Variants in SGCZ observed in about 807,000 individuals in gnomAD.
SGCZ encodes the protein sarcoglycan zeta.
A neutral mutation model predicts 41.3 loss-of-function variants in SGCZ; 40 were observed. The observed-to-expected ratio is 0.97, with a 90% CI of 0.75 to 1.26. The LOEUF is 1.26. Among genes scored for constraint, SGCZ ranks in the 50% most tolerant of loss-of-function variants. The pLI is 0.00. For missense variants in SGCZ, 552 were observed against 369.8 expected, an observed-to-expected ratio of 1.49 and a Z score of -4.04; for synonymous variants, 206 against 137.5, an observed-to-expected ratio of 1.50 and a Z score of -3.49.
intron 1 of SGCZ, among the ~76,000 whole-genome samples, chr8:14,587,037 AC>A (rs1374481788): frequency 4.0e-5 from 6 of 151,804 alleles, no homozygotes; most frequent in African/African-American, 7.3e-5. Context: ...TAAAAAAAAA[AC>A]AAAATAAACT....
intron 4 of SGCZ, among the ~76,000 whole-genome samples, chr8:14,183,147 G>A (rs1219518181): frequency 6.6e-6 from 1 of 152,016 alleles, no homozygotes; most frequent in Non-Finnish European, 1.5e-5. Flanking sequence ...AATATTTCAT[G>A]GCAACATTAT....
intron 2 of SGCZ, among the ~76,000 whole-genome samples, chr8:14,554,506 G>A (rs825909): frequency 0.24 from 36,207 of 151,850 alleles, 4,547 homozygotes; most frequent in South Asian, 0.38. Flanking sequence ...GTACTGTCTC[G>A]TGATCTAAAT....
chr8:15,141,978 A>G (rs905540324), intron 1 of SGCZ, among the ~76,000 whole-genome samples: 2 of 152,162 alleles, frequency 1.3e-5, no homozygotes, highest in African/African-American at 4.8e-5. Flanking sequence ...TAGCAGTGGA[A>G]GACCCTGGGA....
intron 4 of SGCZ, among the ~76,000 whole-genome samples, chr8:14,189,962 G>C (rs1465535804): frequency 1.3e-5 from 2 of 150,626 alleles, no homozygotes; most frequent in East Asian, 1.9e-4. Flanking sequence ...ATGTCCTTTA[G>C]GTTCATCCAT....
intron 5 of SGCZ, among the ~76,000 whole-genome samples, chr8:14,156,235 C>T (rs1803871950): frequency 6.6e-6 from 1 of 151,970 alleles, no homozygotes; most frequent in African/African-American, 2.4e-5. Context: ...TTTGGGAGGC[C>T]GATCACTAGG....
intron 1 of SGCZ, among the ~76,000 whole-genome samples, chr8:15,154,205 A>G (rs1799260985): frequency 6.6e-6 from 1 of 152,294 alleles, no homozygotes; most frequent in Non-Finnish European, 1.5e-5. Flanking sequence ...GGCAAAGACA[A>G]CCTAACACAG....
In SGCZ at chr8:14,820,726, G is replaced by T. The variant is rs183989330; in HGVS notation, c.40-265800C>A. Among the ~76,000 whole-genome samples, 643 of 151,992 alleles carry T rather than the reference G, an allele frequency of 4.2e-3. 6 individuals carry two copies. The highest frequency in any genetic ancestry group is 0.015 in the African/African-American group (605 of 41,526). On this transcript the variant is annotated intron_variant, in intron 1 of 7. Coordinates refer to ENST00000382080, the MANE Select transcript of SGCZ (RefSeq NM_139167.4). ...CAATAACATGGAAATTAAACAACTT[G>T]TTCCTTTGAAACCAATGGGTTAATG...
chr8:14,420,588 G>T (rs900192407), intron 2 of SGCZ, among the ~76,000 whole-genome samples: 11 of 151,914 alleles, frequency 7.2e-5, no homozygotes, highest in Middle Eastern at 3.2e-3. Context: ...ATACCAAAAT[G>T]ATCCCGAGCT....
intron 2 of SGCZ, among the ~76,000 whole-genome samples, chr8:14,416,969 A>T (rs78356216): frequency 0.018 from 2,692 of 151,964 alleles, 79 homozygotes; most frequent in African/African-American, 0.061. Flanking sequence ...AACATAAGGC[A>T]GGGTTATGTG....
chr8:14,590,808 T>C (rs969067481), intron 1 of SGCZ, among the ~76,000 whole-genome samples: 1 of 148,080 alleles, frequency 6.8e-6, no homozygotes, highest in Non-Finnish European at 1.5e-5. Flanking sequence ...TATATGAATA[T>C]ATGATATATA....
At chr8:14,304,176 C>T (rs1801279787) in intron 3 of SGCZ, among the ~76,000 whole-genome samples, 1 of 152,092 alleles carries the variant, frequency 6.6e-6, no homozygotes, top group Non-Finnish European at 1.5e-5. Flanking sequence ...GATGTTGTAG[C>T]TCCCACTTGT....
chr8:15,054,725 CG>C (rs1804641848), intron 1 of SGCZ, among the ~76,000 whole-genome samples: 1 of 151,750 alleles, frequency 6.6e-6, no homozygotes, highest in Non-Finnish European at 1.5e-5. Flanking sequence ...GAGGCTGAGG[CG>C]GGCAGACCAC....
intron 2 of SGCZ, among the ~76,000 whole-genome samples, chr8:14,469,371 T>C (rs1801144889): frequency 1.4e-5 from 2 of 141,852 alleles, no homozygotes; most frequent in South Asian, 4.1e-4. Context: ...TCTGGTCTAC[T>C]TGTTGTCTCA....
intron 1 of SGCZ, among the ~76,000 whole-genome samples, chr8:15,113,761 A>G (rs1334011291): frequency 2.6e-5 from 4 of 152,142 alleles, no homozygotes; most frequent in Admixed American, 2.0e-4. Context: ...TTGACCCTCT[A>G]CAATCCTCCT....
intron 4 of SGCZ, among the ~76,000 whole-genome samples, chr8:14,220,955 C>T (rs1277105815): frequency 6.6e-6 from 1 of 151,876 alleles, no homozygotes; most frequent in Non-Finnish European, 1.5e-5. Context: ...TAACACAATC[C>T]TGAGTCTTTG....
At position 14,962,809 on chromosome 8, in the gene SGCZ, T is replaced by C. The variant is rs148936565; in HGVS notation, c.39+274776A>G. Among the ~76,000 whole-genome samples the C allele has an allele frequency of 4.6e-3, 700 of 152,300 alleles. 4 individuals are homozygous for C. The highest frequency in any genetic ancestry group is 0.019 in the South Asian group (91 of 4,828). ...GTGTCCCGCATTAAGAAATTCGTCG[T>C]GATAAGATATGCAGAACAAGGGAGC... On this transcript the variant is annotated intron_variant, in intron 1 of 7. Coordinates refer to ENST00000382080, the MANE Select transcript of SGCZ (RefSeq NM_139167.4).
intron 4 of SGCZ, among the ~76,000 whole-genome samples, chr8:14,177,948 C>CTTTTTTTTTTTTTTT (rs1804599101): frequency 1.1e-5 from 1 of 88,004 alleles, no homozygotes. Context: ...TCCTTCTTTT[C>CTTTTTTTTTTTTTTT]TTTTTTTTTC....
intron 1 of SGCZ, among the ~76,000 whole-genome samples, chr8:14,978,081 T>C (rs1274060690): frequency 6.6e-6 from 1 of 152,142 alleles, no homozygotes; most frequent in Non-Finnish European, 1.5e-5. Context: ...AGGTGCGTAC[T>C]TTCATGTTCT....
rs570520020 is a variant in SGCZ, at chr8:14,663,532, T to C, written c.40-108606A>G. ...CTAACCTCTCTGTGCATGCCTCCTA[T>C]CTGTAAATGAAAATAATAAGGGTAA... On this transcript the variant is annotated intron_variant, in intron 1 of 7. Coordinates refer to ENST00000382080, the MANE Select transcript of SGCZ (RefSeq NM_139167.4). 5.9e-5 allele frequency among the ~76,000 whole-genome samples: 9 copies of C among 152,264 alleles called. 1 individual carries two copies. The South Asian group carries it at 1.9e-3, about 32-fold the overall frequency.
Sources: gnomAD v4.1 joint callset for allele counts (sites outside exome capture counted in the v4.1 genomes callset) on GRCh38, gnomAD v4.1.1 for gene constraint, MANE v1.5 for transcripts, NCBI Gene and HGNC (gene_info 2026-07-23, HGNC 2026-07-21) for gene names.